The following NEMP2 variants were observed in gnomAD, a reference collection of about 807,000 sequenced individuals.
NEMP2 encodes the protein nuclear envelope integral membrane protein 2.
Under a neutral mutation model 54.2 loss-of-function variants are expected in NEMP2, and 53 were observed. That is an observed-to-expected ratio of 0.98 (90% CI 0.78 to 1.23). The LOEUF (loss-of-function observed/expected upper bound fraction) is 1.23. NEMP2 is among the 50% of genes most tolerant of loss of function. The probability of loss-of-function intolerance (pLI) is 0.00; values close to 1 mark genes in which losing one functional copy is unlikely to be tolerated. For synonymous variants in NEMP2, 197 were observed against 190.3 expected, an observed-to-expected ratio of 1.04 and a Z score of -0.29; for missense variants, 455 against 511.3, an observed-to-expected ratio of 0.89 and a Z score of 1.06.
the NEMP2 span, among the ~76,000 whole-genome samples, chr2:190,622,458 A>G: frequency 6.6e-6 from 1 of 152,066 alleles, no homozygotes; most frequent in African/African-American, 2.4e-5. Flanking sequence ...ACATCTAGAT[A>G]TTTGCATGCA....
In NEMP2 at chr2:190,534,553, G is replaced by A. The variant is rs956709958; in HGVS notation, c.97+6C>T. ...GCGCGCGCCGCCGCCGCCGGTCCCG[G>A]GTTACCTGATAACGCTGCCGCCGCC... is the stretch of plus-strand genomic sequence containing the variant. On this transcript the variant is annotated splice_donor_region_variant and intron_variant, in intron 1 of 8. Transcript: ENST00000409150. 16 of 1,404,474 alleles carry A rather than the reference G, an allele frequency of 1.1e-5. No individual in the cohort carries two copies. The African/African-American group carries it at 1.8e-4, about 16-fold the overall frequency. The allele number at this position is 1,404,474 out of a possible 1,614,324, so 87.0% of individuals were successfully genotyped here.
chr2:190,584,157 G>T, the NEMP2 span, among the ~76,000 whole-genome samples: 1 of 152,204 alleles, frequency 6.6e-6, no homozygotes, highest in Non-Finnish European at 1.5e-5. This position sits in a 1 kb window ranked among gnomAD's most constrained non-coding sequence, Gnocchi z 4.2. Flanking sequence ...GTTTCACACT[G>T]AGATGACATG....
the NEMP2 span, among the ~76,000 whole-genome samples, chr2:190,558,036 C>G: frequency 6.6e-6 from 1 of 152,156 alleles, no homozygotes; most frequent in Admixed American, 6.5e-5. This position sits in a 1 kb window ranked among gnomAD's most constrained non-coding sequence, Gnocchi z 4.4. Context: ...ATGTTTATTG[C>G]AGCACTGTTC....
At chr2:190,524,478 A>C (rs1690861261) in intron 2 of NEMP2, among the ~76,000 whole-genome samples, 1 of 152,158 alleles carries the variant, frequency 6.6e-6, no homozygotes, top group Non-Finnish European at 1.5e-5. Context: ...ATCAATTGAC[A>C]TCAAATGCTT....
Position 190,509,395 on chromosome 2 carries a change from TC to T in NEMP2, c.1131-84del. Reference sequence around the variant, plus strand: ...AGATAACATGTTCCCTTGCTATTTATCCCCTTTAATTAAATTTGACTTTGCA... The same window carrying T: ...AGATAACATGTTCCCTTGCTATTTATCCCTTTAATTAAATTTGACTTTGCA... On this transcript the variant is annotated intron_variant, in intron 8 of 8. Coordinates refer to ENST00000409150, the MANE Select transcript of NEMP2 (RefSeq NM_001142645.2). This position sits in a 1 kb window ranked among gnomAD's most constrained non-coding sequence, Gnocchi z 6.1. 6.9e-7 allele frequency: 1 copy of T among 1,452,188 alleles called. No homozygotes were observed. The highest frequency in any genetic ancestry group is 2.0e-5 in the Admixed American group (1 of 48,836). The allele number at this position is 1,452,188 out of a possible 1,614,324, so 90.0% of individuals were successfully genotyped here. A position where few individuals can be genotyped will look rare whatever the true frequency, so the allele number is the denominator to read the frequency against.
At chr2:190,436,422 C>T in the NEMP2 span, 2 of 1,614,030 alleles carry the variant, frequency 1.2e-6, no homozygotes, top group East Asian at 2.2e-5. The surrounding 1 kb of genome is among the most constrained non-coding windows in gnomAD (Gnocchi z 5.3). Context: ...TTAAAAAAGG[C>T]AAAATTGTCC....
At chr2:190,480,445 TTAAG>T in the NEMP2 span, among the ~76,000 whole-genome samples, 35 of 152,344 alleles carry the variant, frequency 2.3e-4, 1 homozygote, top group Middle Eastern at 6.8e-3. Flanking sequence ...CAAAAACTTA[TTAAG>T]TATCTGAAGA....
the NEMP2 span, among the ~76,000 whole-genome samples, chr2:190,619,335 C>CAAA: frequency 8.4e-6 from 1 of 119,168 alleles, no homozygotes. The surrounding 1 kb of genome is among the most constrained non-coding windows in gnomAD (Gnocchi z 5.5). Flanking sequence ...CCTGTCTCCA[C>CAAA]AAAAAAAAAA....
chr2:190,640,490 A>C, the NEMP2 span, among the ~76,000 whole-genome samples: 1 of 152,224 alleles, frequency 6.6e-6, no homozygotes, highest in East Asian at 1.9e-4. Context: ...AAATACAATA[A>C]TAGATAGAAA....
chr2:190,559,664 GC>G, the NEMP2 span, among the ~76,000 whole-genome samples: 1 of 152,246 alleles, frequency 6.6e-6, no homozygotes, highest in Non-Finnish European at 1.5e-5. The surrounding 1 kb of genome is among the most constrained non-coding windows in gnomAD (Gnocchi z 4.0). Flanking sequence ...ACAAGGTCTA[GC>G]AATTAGGAAG....
chr2:190,502,966 C>T (rs927920200), downstream of NEMP2, among the ~76,000 whole-genome samples: 24 of 152,176 alleles, frequency 1.6e-4, no homozygotes, highest in Admixed American at 1.0e-3. This position sits in a 1 kb window ranked among gnomAD's most constrained non-coding sequence, Gnocchi z 4.4. Flanking sequence ...AGCCCTGGTC[C>T]GCTTAGCACC....
At chr2:190,430,062 G>A in the NEMP2 span, among the ~76,000 whole-genome samples, 1 of 137,186 alleles carries the variant, frequency 7.3e-6, no homozygotes, top group Admixed American at 8.9e-5. Flanking sequence ...TGTTCTCATT[G>A]TTCAATTTCC....
the NEMP2 span, among the ~76,000 whole-genome samples, chr2:190,617,985 T>C: frequency 6.6e-6 from 1 of 152,218 alleles, no homozygotes; most frequent in Non-Finnish European, 1.5e-5. This position sits in a 1 kb window ranked among gnomAD's most constrained non-coding sequence, Gnocchi z 5.0. Context: ...TTAAACTGCC[T>C]GAAAATGAGG....
chr2:190,451,143 A>C, the NEMP2 span, among the ~76,000 whole-genome samples: 19 of 152,174 alleles, frequency 1.2e-4, no homozygotes, highest in Non-Finnish European at 2.4e-4. The surrounding 1 kb of genome is among the most constrained non-coding windows in gnomAD (Gnocchi z 5.0). Context: ...TTTGCCTATA[A>C]AAAGTGTATG....
chr2:190,459,724 T>C, the NEMP2 span, among the ~76,000 whole-genome samples: 1 of 152,290 alleles, frequency 6.6e-6, no homozygotes, highest in Non-Finnish European at 1.5e-5. The surrounding 1 kb of genome is among the most constrained non-coding windows in gnomAD (Gnocchi z 5.3). Flanking sequence ...ATGGTGACCA[T>C]AGTTACACTC....
At chr2:190,480,660 T>C in the NEMP2 span, among the ~76,000 whole-genome samples, 1 of 152,240 alleles carries the variant, frequency 6.6e-6, no homozygotes, top group African/African-American at 2.4e-5. Flanking sequence ...AAGGCTTGAA[T>C]TAGACTATCT....
At chr2:190,622,360 G>A in the NEMP2 span, among the ~76,000 whole-genome samples, 3 of 148,582 alleles carry the variant, frequency 2.0e-5, no homozygotes, top group Admixed American at 2.0e-4. Flanking sequence ...GTGAGCTATA[G>A]TCATGCCACA....
At chr2:190,581,267 A>C in the NEMP2 span, among the ~76,000 whole-genome samples, 1 of 152,226 alleles carries the variant, frequency 6.6e-6, no homozygotes, top group African/African-American at 2.4e-5. Flanking sequence ...TGAAAATCAG[A>C]TGTTCTACAT....
At chr2:190,599,365 T>A in the NEMP2 span, among the ~76,000 whole-genome samples, 2 of 152,190 alleles carry the variant, frequency 1.3e-5, no homozygotes, top group Non-Finnish European at 2.9e-5. Context: ...AAACTTTTAT[T>A]TTCATCTGGA....
Sources: allele counts gnomAD v4.1 joint callset (sites outside exome capture counted in the v4.1 genomes callset), GRCh38; gene constraint gnomAD v4.1.1; non-coding constraint Gnocchi (gnomAD v3.1); transcripts MANE v1.5; gene names NCBI Gene and HGNC (gene_info 2026-07-23, HGNC 2026-07-21).